The following SLC35E3 variants were observed in gnomAD, a reference collection of about 807,000 sequenced individuals.
SLC35E3 encodes bladder cancer-overexpressed gene 1 protein.
In SLC35E3, 28 loss-of-function variants were observed where a neutral mutation model predicts 30.8. That is an observed-to-expected ratio of 0.91 (90% CI 0.67 to 1.25). SLC35E3 has a LOEUF of 1.25. Ranked by LOEUF, SLC35E3 falls within the 50% of genes most tolerant of loss-of-function variation. The pLI, the probability that SLC35E3 is intolerant of heterozygous loss-of-function variation, is 0.00. For synonymous variants in SLC35E3, 146 were observed against 149.2 expected, an observed-to-expected ratio of 0.98 and a Z score of 0.16; for missense variants, 365 against 375.4, an observed-to-expected ratio of 0.97 and a Z score of 0.23.
chr12:68,752,248 T>A (rs1878831842), intron 3 of SLC35E3, 58 bp downstream of exon 3: 1 of 1,463,872 alleles, frequency 6.8e-7, no homozygotes, highest in Non-Finnish European at 9.2e-7. Context: ...CCTCCATTAT[T>A]AATGTAATTT....
At chr12:68,749,677 T>A (rs1334222545) in intron 2 of SLC35E3, among the ~76,000 whole-genome samples, 1 of 152,098 alleles carries the variant, frequency 6.6e-6, no homozygotes, top group Non-Finnish European at 1.5e-5. Flanking sequence ...TACGGAAAAG[T>A]TAACAATTTA....
Position 68,770,905 on chromosome 12 carries a change from G to T in SLC35E3, c.*6015G>T. On this transcript the variant is annotated 3_prime_UTR_variant, in exon 5 of 5. Coordinates refer to ENST00000398004, the MANE Select transcript of SLC35E3 (RefSeq NM_018656.5). ...AGAATGGTGCCATTCTCTGAACTAG[G>T]AAACACAAGAAGAGGACTGAGGAGA... 1.1e-5 allele frequency: 2 copies of T among 188,572 alleles called. No homozygotes were observed. Among genetic ancestry groups the T allele is most frequent in the East Asian group, 1.3e-4 (1 of 7,454 alleles). The allele number at this position is 188,572 out of a possible 1,614,324, so 11.7% of individuals were successfully genotyped here.
Position 68,778,607 on chromosome 12 carries a change from T to C in SLC35E3, c.*13717T>C, listed in dbSNP as rs1177697847. 6.6e-6 allele frequency: 1 copy of C among 152,138 alleles called. No individual in the cohort carries two copies. Among genetic ancestry groups the C allele is most frequent in the Non-Finnish European group, 1.5e-5 (1 of 68,054 alleles). The allele number at this position is 152,138 out of a possible 1,614,324, so 9.4% of individuals were successfully genotyped here. On this transcript the variant is annotated 3_prime_UTR_variant, in exon 5 of 5. Coordinates refer to ENST00000398004, the MANE Select transcript of SLC35E3 (RefSeq NM_018656.5). Reference sequence around the variant, plus strand: ...GAGTTTGAGACCAGCCTAGCCAACATGGCGAAACCTCGTCTCTACTAAAAA... The same window carrying C: ...GAGTTTGAGACCAGCCTAGCCAACACGGCGAAACCTCGTCTCTACTAAAAA...
intron 1 of SLC35E3, among the ~76,000 whole-genome samples, chr12:68,747,499 C>T (rs1878636076): frequency 6.6e-6 from 1 of 152,150 alleles, no homozygotes; most frequent in African/African-American, 2.4e-5. Context: ...GAACTCTGAC[C>T]TCAGGTGATC....
In SLC35E3 at chr12:68,775,609, A is replaced by G. The variant is rs940302185; in HGVS notation, c.*10719A>G. The G allele has an allele frequency of 6.6e-6, 1 of 152,182 alleles. No individual in the cohort carries two copies. The highest frequency in any genetic ancestry group is 6.5e-5 in the Admixed American group (1 of 15,274). The allele number at this position is 152,182 out of a possible 1,614,324, so 9.4% of individuals were successfully genotyped here. ...ATTGCCACATTGGGGATGTTTCCAG[A>G]TGAGTTTTGGAGGAGACAAATATTC... On this transcript the variant is annotated 3_prime_UTR_variant, in exon 5 of 5. Transcript: ENST00000398004.
rs1879488479 is a variant in SLC35E3 at position 68,768,001 on chromosome 12, A to C, written c.*3111A>C. ...TATTTGTGCCATTTAGAAATTCGTAACTGTAGGCTGGGCGCAGTGGCTTAC... is the reference window on the plus strand; with the variant it reads ...TATTTGTGCCATTTAGAAATTCGTACCTGTAGGCTGGGCGCAGTGGCTTAC... On this transcript the variant is annotated 3_prime_UTR_variant, in exon 5 of 5. Transcript: ENST00000398004. 1 of 152,352 alleles carries C rather than the reference A, an allele frequency of 6.6e-6. No individual in the cohort carries two copies. Among genetic ancestry groups the C allele is most frequent in the African/African-American group, 2.4e-5 (1 of 41,590 alleles). 9.4% of individuals were successfully genotyped at this position (152,352 alleles called of 1,614,324 possible).
At chr12:68,762,619 A>G (rs894122516) in intron 4 of SLC35E3, among the ~76,000 whole-genome samples, 5 of 152,218 alleles carry the variant, frequency 3.3e-5, no homozygotes, top group Admixed American at 6.5e-5. Context: ...TGCTTTTACA[A>G]AAGGATTCAT....
At chr12:68,758,280 C>A (rs946934787) in intron 3 of SLC35E3, among the ~76,000 whole-genome samples, 1 of 151,678 alleles carries the variant, frequency 6.6e-6, no homozygotes, top group African/African-American at 2.4e-5. Flanking sequence ...ATTAGCCGGG[C>A]GCAGTGGCAG....
chr12:68,781,084 G>A lies in SLC35E3; in HGVS notation c.*16194G>A, dbSNP rs543335217. On this transcript the variant is annotated 3_prime_UTR_variant, in exon 5 of 5. Transcript: ENST00000398004. ...TGTGGCTGATGTGGATGTCTTTGGGGAAGAAAAATTCAGGATGAGTTTATT... is the reference window on the plus strand; with the variant it reads ...TGTGGCTGATGTGGATGTCTTTGGGAAAGAAAAATTCAGGATGAGTTTATT... 1 of 127,948 alleles carries A rather than the reference G, an allele frequency of 7.8e-6. No homozygotes were observed. Among genetic ancestry groups the A allele is most frequent in the African/African-American group, 5.3e-5 (1 of 18,944 alleles). 7.9% of individuals were successfully genotyped at this position (127,948 alleles called of 1,614,324 possible).
chr12:68,760,710 A>T (rs1275639170), intron 4 of SLC35E3, among the ~76,000 whole-genome samples: 1 of 152,212 alleles, frequency 6.6e-6, no homozygotes, highest in Non-Finnish European at 1.5e-5. Context: ...AGTCATTGAT[A>T]TAAAAATATT....
At chr12:68,750,780 A>G (rs888349094) in intron 2 of SLC35E3, among the ~76,000 whole-genome samples, 3 of 152,174 alleles carry the variant, frequency 2.0e-5, no homozygotes, top group African/African-American at 4.8e-5. Flanking sequence ...TGTCCTTCAT[A>G]TTCACAGAGG....
At position 68,770,259 on chromosome 12, in the gene SLC35E3, T is replaced by G. The variant is rs1337623154; in HGVS notation, c.*5369T>G. 1 of 152,240 alleles carries G rather than the reference T, an allele frequency of 6.6e-6. No individual in the cohort carries two copies. Among genetic ancestry groups the G allele is most frequent in the Admixed American group, 6.6e-5 (1 of 15,252 alleles). The allele number at this position is 152,240 out of a possible 1,614,324, so 9.4% of individuals were successfully genotyped here. On this transcript the variant is annotated 3_prime_UTR_variant, in exon 5 of 5. Transcript: ENST00000398004. ...TGTGTCCTGCACCTGGAAATGTAGATAGACCTCAGGCCATACAATACCTGG... is the reference window on the plus strand; with the variant it reads ...TGTGTCCTGCACCTGGAAATGTAGAGAGACCTCAGGCCATACAATACCTGG...
At chr12:68,752,796 A>C (rs1310753739) in intron 3 of SLC35E3, among the ~76,000 whole-genome samples, 1 of 152,114 alleles carries the variant, frequency 6.6e-6, no homozygotes, top group Non-Finnish European at 1.5e-5. Context: ...ACTTGTCAGG[A>C]GTTCAAGACC....
Position 68,746,818 on chromosome 12 carries a change from C to T in SLC35E3, c.402+39C>T, listed in dbSNP as rs540487913. The stretch of plus-strand genomic sequence containing the variant: ...GCTTCCCAAGGCGCCGCTCTCCCGA[C>T]CCACCTCCTGCACTGGCCCCGGGAA... On this transcript the variant is annotated intron_variant, in intron 1 of 4. Coordinates refer to ENST00000398004, the MANE Select transcript of SLC35E3 (RefSeq NM_018656.5). 5.2e-6 allele frequency: 8 copies of T among 1,531,680 alleles called. No homozygotes were observed. In the South Asian group the frequency reaches 6.4e-5, roughly 12 times the overall value. 94.9% of individuals were successfully genotyped at this position (1,531,680 alleles called of 1,614,324 possible).
chr12:68,759,288 A>G (rs1879159416), intron 4 of SLC35E3, 49 bp downstream of exon 4: 2 of 1,330,534 alleles, frequency 1.5e-6, no homozygotes, highest in Non-Finnish European at 1.1e-6. Flanking sequence ...ATATTTTCCA[A>G]AACTTTTACA....
rs1425941705 is a variant in SLC35E3, at chr12:68,776,068, C to CCT, written c.*11179_*11180dup. 5 of 148,636 alleles carry CCT rather than the reference C, an allele frequency of 3.4e-5. No homozygotes were observed. The highest frequency in any genetic ancestry group is 5.9e-5 in the Non-Finnish European group (4 of 67,574). The allele number at this position is 148,636 out of a possible 1,614,324, so 9.2% of individuals were successfully genotyped here. A position where few individuals can be genotyped will look rare whatever the true frequency, so the allele number is the denominator to read the frequency against. On this transcript the variant is annotated 3_prime_UTR_variant, in exon 5 of 5. Transcript: ENST00000398004. ...CTTGAGGTCAGGAGTTGGAGACCAGCCTGGCCAACATGGTGAAACCCCGTT... is the reference window on the plus strand; with the variant it reads ...CTTGAGGTCAGGAGTTGGAGACCAGCCTCTGGCCAACATGGTGAAACCCCGTT...
chr12:68,763,108 T>C (rs1330114121), intron 4 of SLC35E3, among the ~76,000 whole-genome samples: 1 of 152,250 alleles, frequency 6.6e-6, no homozygotes. Flanking sequence ...ACATAAGTAC[T>C]GCTGTTGGTA....
intron 4 of SLC35E3, among the ~76,000 whole-genome samples, chr12:68,761,329 C>T (rs1170917786): frequency 1.3e-5 from 2 of 152,166 alleles, no homozygotes; most frequent in South Asian, 2.1e-4. Context: ...AGGAGGATCC[C>T]TTGAGCCCAG....
rs1565718181 is a variant in SLC35E3, at chr12:68,764,768, G to T, written c.820G>T (p.Asp274Tyr). 6.2e-7 allele frequency: 1 copy of T among 1,614,052 alleles called. No individual in the cohort carries two copies. The highest frequency in any genetic ancestry group is 1.7e-5 in the Admixed American group (1 of 59,996). ...TLFGGYVLFK[D>Y]PLSINQALGI... is the part of the protein sequence containing the mutation. ...ATTCGGAGGATATGTTTTATTTAAGGATCCACTGTCCATTAATCAGGCCCT... is the reference window on the plus strand; with the variant it reads ...ATTCGGAGGATATGTTTTATTTAAGTATCCACTGTCCATTAATCAGGCCCT... The change falls in exon 5 of 5, where the codon GAT (aspartate) becomes TAT (tyrosine). Residue 274 changes from aspartate (D) to tyrosine (Y), a missense_variant. By Grantham distance (160) the Asp-to-Tyr change is radical. Coordinates refer to ENST00000398004, the MANE Select transcript of SLC35E3 (RefSeq NM_018656.5).
Sources: allele counts gnomAD v4.1 joint callset (sites outside exome capture counted in the v4.1 genomes callset), GRCh38; gene constraint gnomAD v4.1.1; transcripts MANE v1.5; gene names NCBI Gene and HGNC (gene_info 2026-07-23, HGNC 2026-07-21).